The following R3HDM1 variants were observed in gnomAD, a reference collection of about 807,000 sequenced individuals.
R3HDM1 encodes the protein R3H domain containing 1.
Under a neutral mutation model 141.1 loss-of-function variants are expected in R3HDM1, and 46 were observed. The ratio of observed to expected loss-of-function variants is 0.33; its 90% confidence interval spans 0.26 to 0.42. R3HDM1 has a LOEUF of 0.42. R3HDM1 is among the 10% of genes least tolerant of loss of function. R3HDM1 has a pLI of 1.00. For missense variants in R3HDM1, 1,184 were observed against 1,368.3 expected (o/e 0.87, Z 2.12); for synonymous variants, 435 against 472.9 (o/e 0.92, Z 1.04).
chr2:135,560,524 G>A (rs1701614026), intron 1 of R3HDM1, among the ~76,000 whole-genome samples: 1 of 152,080 alleles, frequency 6.6e-6, no homozygotes, highest in Non-Finnish European at 1.5e-5. Flanking sequence ...ACGTTGACCA[G>A]GATGGTCTCA....
At chr2:135,602,437 A>G in intron 1 of R3HDM1, 63 bp from the exon 2 acceptor site, 1 of 1,077,996 alleles carries the variant, frequency 9.3e-7, no homozygotes, top group Non-Finnish European at 1.2e-6. Flanking sequence ...TCTCAGTTTC[A>G]TGTGGAGTGT....
intron 21 of R3HDM1, 82 bp from the exon 22 acceptor site, chr2:135,709,351 G>A: frequency 3.2e-6 from 5 of 1,559,436 alleles, no homozygotes; most frequent in Non-Finnish European, 4.4e-6. Flanking sequence ...GGGATTACAG[G>A]CGTGAGCACC....
intron 21 of R3HDM1, among the ~76,000 whole-genome samples, chr2:135,690,146 C>G (rs2072097304): frequency 6.6e-6 from 1 of 151,980 alleles, no homozygotes; most frequent in South Asian, 2.1e-4. Context: ...ATTTTTGTAT[C>G]CTAGTATTTC....
rs1432003957 is a variant in R3HDM1, at chr2:135,709,441, T to C, written c.2468T>C (p.Val823Ala). 1.9e-6 allele frequency: 3 copies of C among 1,613,968 alleles called. No homozygotes were observed. The highest frequency in any genetic ancestry group is 2.7e-5 in the African/African-American group (2 of 74,914). The change falls in exon 22 of 27, where the codon GTA becomes GCA. Residue 823 changes from valine to alanine, a missense_variant. Coordinates refer to ENST00000683871, the MANE Select transcript of R3HDM1 (RefSeq NM_001378107.1). Reference sequence around the variant, plus strand: ...TTTTGTTTTTTCCATAGCTCTTCAGTAGGTTACCTGCAACATCCAGGATCA... The same window carrying C: ...TTTTGTTTTTTCCATAGCTCTTCAGCAGGTTACCTGCAACATCCAGGATCA... ...PGQQNNLSSS[V>A]GYLQHPGSEQ...
intron 20 of R3HDM1, 34 bp downstream of exon 20, chr2:135,675,520 A>G: frequency 6.4e-7 from 1 of 1,556,124 alleles, no homozygotes; most frequent in Non-Finnish European, 8.8e-7. Flanking sequence ...TTGGGTAGAG[A>G]TGATTTCGAA....
At chr2:135,670,798 C>T (rs2068224369) in intron 19 of R3HDM1, among the ~76,000 whole-genome samples, 1 of 152,078 alleles carries the variant, frequency 6.6e-6, no homozygotes, top group Non-Finnish European at 1.5e-5. Context: ...TGGCACACCC[C>T]TATAATCTCA....
intron 21 of R3HDM1, among the ~76,000 whole-genome samples, chr2:135,690,398 A>G (rs1206778790): frequency 6.6e-6 from 1 of 152,218 alleles, no homozygotes; most frequent in Non-Finnish European, 1.5e-5. Flanking sequence ...TTGATTTTGC[A>G]AGATAAGTTC....
At chr2:135,543,237 C>A in intron 1 of R3HDM1, 1 of 307,296 alleles carries the variant, frequency 3.3e-6, no homozygotes, top group Non-Finnish European at 4.8e-6. Context: ...TTCTTTCCCC[C>A]ATTGAATTGT....
intron 7 of R3HDM1, among the ~76,000 whole-genome samples, chr2:135,624,787 G>A (rs994262227): frequency 6.6e-6 from 1 of 152,208 alleles, no homozygotes; most frequent in African/African-American, 2.4e-5. Context: ...AAGAAAAAGA[G>A]TGGCTAGGAG....
chr2:135,545,617 A>G (rs1355424134), intron 1 of R3HDM1, among the ~76,000 whole-genome samples: 1 of 152,216 alleles, frequency 6.6e-6, no homozygotes, highest in Non-Finnish European at 1.5e-5. Context: ...GTTTTCCTGT[A>G]GACAATTGGG....
chr2:135,722,439 G>T (rs750833478), intron 25 of R3HDM1, 30 bp from the exon 26 acceptor site: 16 of 1,608,178 alleles, frequency 9.9e-6, no homozygotes, highest in Non-Finnish European at 1.3e-5. Flanking sequence ...CATTATTAAC[G>T]TTGTTTCTCA....
intron 5 of R3HDM1, among the ~76,000 whole-genome samples, chr2:135,619,241 C>T (rs2061341614): frequency 6.6e-6 from 1 of 152,002 alleles, no homozygotes; most frequent in Non-Finnish European, 1.5e-5. Context: ...GAAGCGTATA[C>T]TTTTTGAAAA....
chr2:135,634,864 G>C (rs2063101658), intron 9 of R3HDM1, among the ~76,000 whole-genome samples: 1 of 152,112 alleles, frequency 6.6e-6, no homozygotes, highest in Non-Finnish European at 1.5e-5. Context: ...AATAATTCCA[G>C]TTTTATAATA....
At chr2:135,700,631 G>A (rs1205802363) in intron 21 of R3HDM1, among the ~76,000 whole-genome samples, 1 of 152,192 alleles carries the variant, frequency 6.6e-6, no homozygotes, top group Non-Finnish European at 1.5e-5. Context: ...TGTAGTAGAT[G>A]TATGACTTGC....
At chr2:135,554,955 CTTCTT>C (rs1345422248) in intron 1 of R3HDM1, among the ~76,000 whole-genome samples, 1 of 152,182 alleles carries the variant, frequency 6.6e-6, no homozygotes, top group Non-Finnish European at 1.5e-5. Context: ...AATAGGCAAA[CTTCTT>C]TTGTTTTGAT....
At chr2:135,584,371 T>C (rs1484496127) in intron 1 of R3HDM1, 2 of 934,622 alleles carry the variant, frequency 2.1e-6, no homozygotes, top group African/African-American at 3.6e-5. Flanking sequence ...TTATTGAGGA[T>C]TTATTTGAAA....
Position 135,597,244 on chromosome 2 carries a change from C to T in R3HDM1, c.-249-5256C>T, listed in dbSNP as rs116306210. ...CATCATTAACCTCTTCATGGTTTAACGAACTCTTTTAGGTCAAGGGAGTTC... is the reference window on the plus strand; with the variant it reads ...CATCATTAACCTCTTCATGGTTTAATGAACTCTTTTAGGTCAAGGGAGTTC... On this transcript the variant is annotated intron_variant, in intron 1 of 26. Coordinates refer to ENST00000683871, the MANE Select transcript of R3HDM1 (RefSeq NM_001378107.1). 2,172 of 979,016 alleles carry T rather than the reference C, an allele frequency of 2.2e-3. 37 individuals are homozygous for T. In the African/African-American group the frequency reaches 0.036, roughly 16 times the overall value. 60.6% of individuals were successfully genotyped at this position (979,016 alleles called of 1,614,324 possible).
chr2:135,705,751 A>C (rs1191217020), intron 21 of R3HDM1, among the ~76,000 whole-genome samples: 1 of 152,166 alleles, frequency 6.6e-6, no homozygotes, highest in East Asian at 1.9e-4. Flanking sequence ...CATGGTAAGA[A>C]TGAATAACTA....
At chr2:135,702,197 G>T (rs1343518074) in intron 21 of R3HDM1, among the ~76,000 whole-genome samples, 6 of 133,314 alleles carry the variant, frequency 4.5e-5, no homozygotes, top group African/African-American at 1.9e-4. Flanking sequence ...GGGCGACAGA[G>T]CAAGACGTTG....
Sources: gnomAD v4.1 joint callset for allele counts (sites outside exome capture counted in the v4.1 genomes callset) on GRCh38, gnomAD v4.1.1 for gene constraint, MANE v1.5 for transcripts, NCBI Gene and HGNC (gene_info 2026-07-23, HGNC 2026-07-21) for gene names.